The following SOX5 variants were observed in gnomAD, a reference collection of about 807,000 sequenced individuals.
SOX5 encodes transcription factor SOX-5.
In SOX5, 9 loss-of-function variants were observed where a neutral mutation model predicts 92.0. The observed-to-expected ratio is 0.10, with a 90% CI of 0.06 to 0.17. SOX5 has a LOEUF of 0.17. Ranked by LOEUF, SOX5 falls within the 10% of genes least tolerant of loss-of-function variation. The pLI, the probability that SOX5 is intolerant of heterozygous loss-of-function variation, is 1.00. For missense variants in SOX5, 642 were observed against 944.5 expected (o/e 0.68, Z 4.20); for synonymous variants, 344 against 336.3 (o/e 1.02, Z -0.25).
intron 4 of SOX5, among the ~76,000 whole-genome samples, chr12:24,130,612 T>C (rs1485480877): frequency 6.6e-6 from 1 of 152,122 alleles, no homozygotes; most frequent in Non-Finnish European, 1.5e-5. Context: ...CCAATGACTA[T>C]AGACATAGAA....
intron 4 of SOX5, among the ~76,000 whole-genome samples, chr12:24,165,440 GATTA>G (rs1321552604): frequency 1.3e-5 from 2 of 152,062 alleles, no homozygotes; most frequent in Non-Finnish European, 2.9e-5. Context: ...GACTATTCTA[GATTA>G]TTTAGATTTA....
chr12:23,654,372 T>C (rs2082055550), intron 7 of SOX5, among the ~76,000 whole-genome samples: 1 of 152,130 alleles, frequency 6.6e-6, no homozygotes, highest in South Asian at 2.1e-4. Flanking sequence ...TTCCAAAGTC[T>C]TAAAATGATT....
intron 3 of SOX5, among the ~76,000 whole-genome samples, chr12:23,836,103 C>T (rs1200902918): frequency 6.6e-6 from 1 of 151,650 alleles, no homozygotes; most frequent in Non-Finnish European, 1.5e-5. Flanking sequence ...ATGCATTTCC[C>T]TTCAATACAT....
intron 6 of SOX5, among the ~76,000 whole-genome samples, chr12:23,671,573 G>A (rs2084786091): frequency 6.6e-6 from 1 of 152,128 alleles, no homozygotes; most frequent in Non-Finnish European, 1.5e-5. Flanking sequence ...AGCAAAAAGA[G>A]ACATGGGATC....
chr12:23,963,667 CA>C (rs1230065585), intron 4 of SOX5, among the ~76,000 whole-genome samples: 3 of 137,108 alleles, frequency 2.2e-5, no homozygotes, highest in African/African-American at 5.4e-5. Context: ...GAATGAAGTA[CA>C]AAAAAATTGG....
intron 1 of SOX5, among the ~76,000 whole-genome samples, chr12:23,929,702 A>C (rs1030244708): frequency 6.6e-6 from 1 of 151,932 alleles, no homozygotes; most frequent in Non-Finnish European, 1.5e-5. Context: ...TACAATTCTT[A>C]ATTTTTTTAA....
chr12:23,851,564 C>G (rs922382172), intron 2 of SOX5, among the ~76,000 whole-genome samples: 1 of 151,652 alleles, frequency 6.6e-6, no homozygotes, highest in African/African-American at 2.4e-5. Context: ...ACAGACAGAC[C>G]TCTGAAGAGT....
In SOX5 at chr12:24,387,415, C is replaced by G. The variant is rs11047409; in HGVS notation, c.-250-18776G>C. Among the ~76,000 whole-genome samples, 513 of 152,178 alleles carry G rather than the reference C, an allele frequency of 3.4e-3. 4 individuals carry two copies. Among genetic ancestry groups the G allele is most frequent in the African/African-American group, 0.012 (491 of 41,532 alleles). On this transcript the variant is annotated intron_variant, in intron 1 of 4. Transcript: ENST00000446891. ...GTGTTAGTGTACTTTATGTGTGACCCAAGACAATTCTTCGTTTTCCAGTAT... is the reference window on the plus strand; with the variant it reads ...GTGTTAGTGTACTTTATGTGTGACCGAAGACAATTCTTCGTTTTCCAGTAT...
intron 9 of SOX5, 161 bp downstream of exon 9, chr12:23,604,226 G>A: frequency 1.6e-6 from 1 of 623,426 alleles, no homozygotes; most frequent in Non-Finnish European, 2.9e-6. Context: ...TTCAATGTAT[G>A]CAGATAAGTT....
intron 10 of SOX5, among the ~76,000 whole-genome samples, chr12:23,570,400 C>T (rs1304446385): frequency 1.3e-5 from 2 of 152,162 alleles, no homozygotes; most frequent in Non-Finnish European, 2.9e-5. Flanking sequence ...CAATGGCTTT[C>T]CATGCATCAC....
chr12:23,942,854 T>G (rs887105766), intron 1 of SOX5, among the ~76,000 whole-genome samples: 11 of 152,024 alleles, frequency 7.2e-5, no homozygotes, highest in Non-Finnish European at 1.2e-4. Context: ...TACACATACA[T>G]TTTTAAGAAA....
At chr12:23,882,740 G>T (rs998965223) in intron 2 of SOX5, among the ~76,000 whole-genome samples, 3 of 152,154 alleles carry the variant, frequency 2.0e-5, no homozygotes, top group African/African-American at 7.2e-5. Flanking sequence ...AGCTGCTTAT[G>T]AATTAAATAC....
intron 6 of SOX5, among the ~76,000 whole-genome samples, chr12:23,720,935 C>T (rs2092779932): frequency 6.6e-6 from 1 of 151,996 alleles, no homozygotes; most frequent in African/African-American, 2.4e-5. Context: ...AAGGTAAGAC[C>T]CAGAAGAACA....
intron 4 of SOX5, among the ~76,000 whole-genome samples, chr12:24,179,162 T>G (rs997702724): frequency 1.3e-5 from 2 of 152,200 alleles, no homozygotes; most frequent in Non-Finnish European, 2.9e-5. Flanking sequence ...AATAAACATT[T>G]AACATTGTAG....
At chr12:24,268,298 G>C (rs1943270625) in intron 3 of SOX5, among the ~76,000 whole-genome samples, 1 of 152,116 alleles carries the variant, frequency 6.6e-6, no homozygotes, top group Admixed American at 6.5e-5. Context: ...AACAAATAAT[G>C]TTGTGTTAAG....
chr12:24,203,373 G>A (rs1363896708), intron 4 of SOX5, among the ~76,000 whole-genome samples: 1 of 152,170 alleles, frequency 6.6e-6, no homozygotes, highest in East Asian at 1.9e-4. Flanking sequence ...AGGATTCTTG[G>A]TTTCTTTTGC....
At chr12:24,449,947 T>A (rs1942021723) in intron 1 of SOX5, among the ~76,000 whole-genome samples, 1 of 152,162 alleles carries the variant, frequency 6.6e-6, no homozygotes, top group Non-Finnish European at 1.5e-5. Flanking sequence ...AGTATTATCA[T>A]CCATGAAAAT....
rs1945389219 is a variant in SOX5 at position 24,282,914 on chromosome 12, AC to A, written c.-173-5603del. On this transcript the variant is annotated intron_variant, in intron 2 of 4. Transcript: ENST00000446891. ...TCTTCTGACCTGTGTAGACAGCTTT[AC>A]CTTTGCATAAATAAATCACACTGTG... Among the ~76,000 whole-genome samples the A allele has an allele frequency of 3.3e-5, 5 of 152,280 alleles. No homozygotes were observed. The South Asian group carries it at 1.0e-3, about 32-fold the overall frequency.
chr12:23,707,312 T>C (rs1223101838), intron 6 of SOX5, among the ~76,000 whole-genome samples: 1 of 152,168 alleles, frequency 6.6e-6, no homozygotes, highest in Non-Finnish European at 1.5e-5. Context: ...AAGAGAGGCC[T>C]GGCATAGGAT....
Sources: gnomAD v4.1 joint callset for allele counts (sites outside exome capture counted in the v4.1 genomes callset) on GRCh38, gnomAD v4.1.1 for gene constraint, MANE v1.5 for transcripts, NCBI Gene and HGNC (gene_info 2026-07-23, HGNC 2026-07-21) for gene names.